Variants in NEDD4 observed in about 807,000 individuals in gnomAD.
The protein encoded by NEDD4 is E3 ubiquitin-protein ligase NEDD4.
NEDD4 carries 99 observed loss-of-function variants against 144.9 expected under a neutral mutation model. The ratio of observed to expected loss-of-function variants is 0.68; its 90% CI spans 0.58 to 0.81. The LOEUF is 0.81. NEDD4 is among the 30% of genes least tolerant of loss of function. The pLI, the probability that NEDD4 is intolerant of heterozygous loss-of-function variation, is 0.00. For missense variants in NEDD4, 985 were observed against 1,065.9 expected (o/e 0.92, Z 1.06); for synonymous variants, 318 against 350.6 (o/e 0.91, Z 1.04).
At chr15:55,854,044 G>A (rs1324541832) in intron 12 of NEDD4, among the ~76,000 whole-genome samples, 6 of 151,968 alleles carry the variant, frequency 3.9e-5, no homozygotes, top group South Asian at 2.1e-4. Flanking sequence ...CCAGCTACTC[G>A]GGAGGCTGAA....
At chr15:55,985,428 G>A (rs990527285) in intron 1 of NEDD4, among the ~76,000 whole-genome samples, 13 of 152,194 alleles carry the variant, frequency 8.5e-5, no homozygotes, top group Non-Finnish European at 1.3e-4. Context: ...AGGGGAGGAC[G>A]GCGTTGCACA....
intron 1 of NEDD4, among the ~76,000 whole-genome samples, chr15:55,983,613 CTTTT>C (rs10711886): frequency 3.5e-5 from 5 of 141,982 alleles, no homozygotes; most frequent in Admixed American, 2.8e-4. Context: ...TTTAGATATA[CTTTT>C]TTTTTTTTTT....
chr15:55,866,340 T>C (rs2034588204), intron 8 of NEDD4, among the ~76,000 whole-genome samples: 1 of 152,136 alleles, frequency 6.6e-6, no homozygotes, highest in Admixed American at 6.5e-5. Context: ...CCCATCCATG[T>C]TGATCTTCCT....
intron 7 of NEDD4, among the ~76,000 whole-genome samples, chr15:55,872,029 C>A (rs974691003): frequency 6.6e-5 from 10 of 151,964 alleles, no homozygotes; most frequent in Admixed American, 6.6e-4. Flanking sequence ...ACTAAGTATG[C>A]AAAATATAGT....
At chr15:55,895,723 T>C (rs2035718560) in intron 5 of NEDD4, among the ~76,000 whole-genome samples, 1 of 152,208 alleles carries the variant, frequency 6.6e-6, no homozygotes, top group South Asian at 2.1e-4. Context: ...CAATACACCT[T>C]GAGAAACATG....
At chr15:55,830,998 A>C (rs1309742894) in intron 27 of NEDD4, among the ~76,000 whole-genome samples, 1 of 152,154 alleles carries the variant, frequency 6.6e-6, no homozygotes, top group Non-Finnish European at 1.5e-5. Context: ...GGCTCAATGC[A>C]ACCTCTGGCT....
intron 18 of NEDD4, among the ~76,000 whole-genome samples, chr15:55,843,320 A>G (rs2033600027): frequency 6.6e-6 from 1 of 152,230 alleles, no homozygotes; most frequent in East Asian, 1.9e-4. Context: ...ACTATGCGAA[A>G]GCTACTATTA....
chr15:55,874,830 C>T (rs1009660428), intron 5 of NEDD4, among the ~76,000 whole-genome samples: 2 of 152,030 alleles, frequency 1.3e-5, no homozygotes, highest in Admixed American at 6.6e-5. Flanking sequence ...AAAAATTAGC[C>T]AGGTGTGGTG....
intron 1 of NEDD4, 149 bp downstream of exon 1, chr15:55,993,362 G>T: frequency 1.1e-6 from 1 of 943,534 alleles, no homozygotes. Context: ...CACAGTCCCC[G>T]CGGCGCCTCG....
intron 5 of NEDD4, among the ~76,000 whole-genome samples, chr15:55,894,515 A>G (rs1049265152): frequency 1.3e-5 from 2 of 152,196 alleles, no homozygotes; most frequent in Admixed American, 1.3e-4. Flanking sequence ...ACTACTTGAA[A>G]TTCTACGGCC....
intron 12 of NEDD4, among the ~76,000 whole-genome samples, chr15:55,853,287 A>C (rs1251239853): frequency 1.3e-5 from 2 of 152,234 alleles, no homozygotes; most frequent in East Asian, 3.8e-4. Context: ...AATAATAATG[A>C]GAGTGATAAC....
chr15:55,860,572 G>C lies in NEDD4; in HGVS notation c.795C>G (p.Asn265Lys). 3 of 1,613,934 alleles carry C rather than the reference G, an allele frequency of 1.9e-6. No homozygotes were observed. Among genetic ancestry groups the C allele is most frequent in the Non-Finnish European group, 1.7e-6 (2 of 1,179,938 alleles). Residue 265 changes from asparagine to lysine, a missense_variant and splice_region_variant, in exon 11 of 29, where the codon AAC becomes AAG. Physicochemically the swap from Asn to Lys is moderately conservative, Grantham distance 94. Coordinates refer to ENST00000435532, the MANE Select transcript of NEDD4 (RefSeq NM_006154.4). ...CTTCATCTTCTCTTATAATTTCCCA[G>C]TTCTAAAATGAACAGAATAAGCTTG... ...ESVDNRESSE[N>K]WEIIREDEAT... is the part of the protein sequence containing the mutation.
intron 15 of NEDD4, 76 bp from the exon 16 acceptor site, chr15:55,848,651 A>G: frequency 1.5e-6 from 2 of 1,365,136 alleles, no homozygotes; most frequent in Admixed American, 3.4e-5. Flanking sequence ...CACTGGTTGT[A>G]TGGTTAATTT....
chr15:55,958,558 A>AT (rs1270130169), intron 2 of NEDD4, among the ~76,000 whole-genome samples: 5 of 150,570 alleles, frequency 3.3e-5, no homozygotes, highest in East Asian at 2.0e-4. Context: ...TAGAATTTTT[A>AT]TTTTTTTTTC....
intron 17 of NEDD4, among the ~76,000 whole-genome samples, chr15:55,847,471 T>C (rs1008195865): frequency 6.6e-6 from 1 of 151,994 alleles, no homozygotes; most frequent in Non-Finnish European, 1.5e-5. Flanking sequence ...TAAATAGTAA[T>C]AAAAAACGGT....
At chr15:55,873,883 CTATAT>C (rs2034895970) in intron 6 of NEDD4, 70 bp downstream of exon 6, 2 of 608,516 alleles carry the variant, frequency 3.3e-6, no homozygotes, top group Non-Finnish European at 5.5e-6. Context: ...TTTACAGTAG[CTATAT>C]TATATATGTA....
intron 4 of NEDD4, among the ~76,000 whole-genome samples, chr15:55,925,336 T>C (rs2036642434): frequency 6.6e-6 from 1 of 152,236 alleles, no homozygotes; most frequent in African/African-American, 2.4e-5. Context: ...TGACACCTTA[T>C]GATCAGTTTT....
chr15:55,858,653 A>T (rs1017068848), intron 11 of NEDD4, among the ~76,000 whole-genome samples: 20 of 152,204 alleles, frequency 1.3e-4, no homozygotes, highest in Non-Finnish European at 2.1e-4. Context: ...CCCCTGTGAA[A>T]AAATGAAATG....
Position 55,869,615 on chromosome 15 carries a change from T to G in NEDD4, c.471A>C (p.Ser157=). ...CAGCCTGTTCTGCATTATCATCTTC[T>G]GAGCCACTGGTTTTAGGTAAATAAG... is the stretch of plus-strand genomic sequence containing the variant. ...KMTYLPKTSG[S]EDDNAEQAEE... Residue 157 remains serine, a synonymous_variant, in exon 8 of 29, where the codon TCA becomes TCC. Transcript: ENST00000435532. The G allele has an allele frequency of 1.9e-6, 3 of 1,586,984 alleles. No homozygotes were observed. The highest frequency in any genetic ancestry group is 1.7e-4 in the Middle Eastern group (1 of 6,026).
Sources: gnomAD v4.1 joint callset for allele counts (sites outside exome capture counted in the v4.1 genomes callset) on GRCh38, gnomAD v4.1.1 for gene constraint, MANE v1.5 for transcripts, NCBI Gene and HGNC (gene_info 2026-07-23, HGNC 2026-07-21) for gene names.